The following FANCA variants were observed in gnomAD, a reference collection of about 807,000 sequenced individuals.
FANCA encodes FA complementation group A.
FANCA carries 236 observed loss-of-function variants against 194.3 expected under a neutral mutation model. The observed-to-expected ratio is 1.21, with a 90% CI of 1.09 to 1.35. FANCA has a LOEUF of 1.35. FANCA is among the 40% of genes most tolerant of loss of function. The probability of loss-of-function intolerance (pLI) is 0.00; values close to 1 mark genes in which losing one functional copy is unlikely to be tolerated. For synonymous variants in FANCA, 1,014 were observed against 715.8 expected (o/e 1.42, Z -6.65); for missense variants, 2,628 against 1,813.9 (o/e 1.45, Z -8.15).
chr16:89,746,942 A>G (rs1233387658), intron 33 of FANCA, 52 bp from the exon 34 acceptor site: 1 of 1,479,374 alleles, frequency 6.8e-7, no homozygotes, highest in East Asian at 2.5e-5. Flanking sequence ...GAGAGGCGAG[A>G]CCAACATGCA....
At chr16:89,751,770 C>T (rs1474068039) in intron 31 of FANCA, among the ~76,000 whole-genome samples, 1 of 144,904 alleles carries the variant, frequency 6.9e-6, no homozygotes, top group Admixed American at 6.9e-5. Context: ...CAATAAATAT[C>T]TTTTTTTTTT....
intron 36 of FANCA, among the ~76,000 whole-genome samples, chr16:89,743,447 G>A (rs2062180554): frequency 6.6e-6 from 1 of 152,210 alleles, no homozygotes; most frequent in Non-Finnish European, 1.5e-5. Context: ...GTTCACATCT[G>A]CAATCATAGC....
intron 22 of FANCA, 106 bp from the exon 23 acceptor site, chr16:89,771,920 G>A (rs534350343): frequency 3.8e-6 from 5 of 1,322,802 alleles, no homozygotes; most frequent in East Asian, 2.4e-5. Flanking sequence ...CACGGATCCT[G>A]CTGACTGCAC....
intron 5 of FANCA, 108 bp downstream of exon 5, chr16:89,810,599 G>C (rs548998633): frequency 1.2e-6 from 1 of 800,740 alleles, no homozygotes; most frequent in African/African-American, 1.7e-5. Flanking sequence ...TAATTAATGA[G>C]AAGCTTGGAG....
intron 20 of FANCA, among the ~76,000 whole-genome samples, chr16:89,776,987 G>A (rs1288160052): frequency 2.0e-5 from 3 of 152,278 alleles, no homozygotes; most frequent in African/African-American, 7.2e-5. Context: ...TGAAGCAGGA[G>A]GATTATTTGA....
At chr16:89,791,594 C>A (rs557255147) in intron 13 of FANCA, 58 bp from the exon 14 acceptor site, 2 of 1,607,400 alleles carry the variant, frequency 1.2e-6, no homozygotes, top group South Asian at 2.2e-5. Flanking sequence ...AGGAACATGA[C>A]GTGAGTTATG....
At position 89,784,976 on chromosome 16, in the gene FANCA, G is replaced by A. The variant is rs951725614; in HGVS notation, c.1360-12C>T. The A allele has an allele frequency of 6.3e-7, 1 of 1,597,526 alleles. No individual in the cohort carries two copies. Among genetic ancestry groups the A allele is most frequent in the Admixed American group, 1.7e-5 (1 of 59,832 alleles). ...CTCCCAAAGGAGGCCTGTGTGGAGA[G>A]AAGAGCGTGAAGCCCAGGACAGCCA... On this transcript the variant is annotated splice_polypyrimidine_tract_variant and intron_variant, in intron 14 of 42. Transcript: ENST00000389301.
intron 3 of FANCA, among the ~76,000 whole-genome samples, chr16:89,812,662 A>AC (rs2040938951): frequency 1.3e-5 from 2 of 150,800 alleles, no homozygotes; most frequent in East Asian, 1.9e-4. Flanking sequence ...AAAAAAAAAA[A>AC]AAAAAAAACT....
chr16:89,744,189 C>T (rs867351697), intron 36 of FANCA, among the ~76,000 whole-genome samples: 6 of 152,218 alleles, frequency 3.9e-5, no homozygotes, highest in African/African-American at 1.4e-4. Flanking sequence ...GCCACCGCGC[C>T]GGGGCCCTCT....
intron 31 of FANCA, 126 bp from the exon 32 acceptor site, chr16:89,750,028 G>A (rs2038528700): frequency 1.1e-6 from 1 of 938,152 alleles, no homozygotes; most frequent in Non-Finnish European, 1.7e-6. Context: ...AACAAGTGGG[G>A]CAAGCTATTT....
intron 15 of FANCA, among the ~76,000 whole-genome samples, chr16:89,783,668 G>A (rs1321920832): frequency 2.0e-5 from 3 of 152,182 alleles, no homozygotes; most frequent in Non-Finnish European, 2.9e-5. Context: ...GGGGAACCAG[G>A]GATGTGCAAT....
chr16:89,758,585 G>A lies in FANCA; in HGVS notation c.2973C>T (p.Phe991=). Residue 991 remains phenylalanine, a synonymous_variant, in exon 30 of 43, where the codon TTC becomes TTT. Coordinates refer to ENST00000389301, the MANE Select transcript of FANCA (RefSeq NM_000135.4). ...CAGTGTGTGCTGCTAACCTTTGGTG[G>A]AAATCCATCAGTGCGTTGACAAGAA... ...CTILVNALMD[F]HQSSRSYDHS... 2 of 1,613,680 alleles carry A rather than the reference G, an allele frequency of 1.2e-6. No homozygotes were observed. The highest frequency in any genetic ancestry group is 1.7e-6 in the Non-Finnish European group (2 of 1,179,690).
At chr16:89,787,486 C>G (rs540114935) in intron 14 of FANCA, among the ~76,000 whole-genome samples, 1 of 152,178 alleles carries the variant, frequency 6.6e-6, no homozygotes, top group South Asian at 2.1e-4. Flanking sequence ...CACCACTGCA[C>G]TCCAGCCTGG....
chr16:89,781,956 G>T (rs1285637505), intron 17 of FANCA, among the ~76,000 whole-genome samples: 1 of 150,480 alleles, frequency 6.6e-6, no homozygotes, highest in Non-Finnish European at 1.5e-5. Context: ...GCAGTGAGCC[G>T]AGACTGCGCC....
intron 14 of FANCA, among the ~76,000 whole-genome samples, chr16:89,790,537 T>G (rs2040035027): frequency 1.3e-5 from 2 of 152,078 alleles, no homozygotes; most frequent in Admixed American, 6.6e-5. Flanking sequence ...GAGACCAGCC[T>G]GACCAACATG....
intron 30 of FANCA, among the ~76,000 whole-genome samples, chr16:89,755,302 C>G (rs1464304806): frequency 6.6e-6 from 1 of 151,848 alleles, no homozygotes; most frequent in Non-Finnish European, 1.5e-5. Flanking sequence ...CCTCCGCCTC[C>G]CAGGTTCAAG....
chr16:89,737,696 A>G lies in FANCA; in HGVS notation c.*905T>C. On this transcript the variant is annotated 3_prime_UTR_variant, in exon 43 of 43. Coordinates refer to ENST00000389301, the MANE Select transcript of FANCA (RefSeq NM_000135.4). The stretch of plus-strand genomic sequence containing the variant: ...CTTGCTTGGGCCCACTGCATGGTGA[A>G]CCATGTGCAGAAATGTCTTCCCAGC... The G allele has an allele frequency of 1.9e-6, 3 of 1,574,254 alleles. No homozygotes were observed. The highest frequency in any genetic ancestry group is 2.6e-6 in the Non-Finnish European group (3 of 1,157,832).
chr16:89,791,020 TGTG>T (rs1358924741), intron 14 of FANCA: 36 of 245,848 alleles, frequency 1.5e-4, no homozygotes, highest in South Asian at 1.1e-3. Context: ...TGTGTGTGTG[TGTG>T]TTTTTTTTTT....
rs139059050 is a variant in FANCA, at chr16:89,775,939, C to T, written c.1827-124G>A. 4.3e-4 allele frequency: 206 copies of T among 483,228 alleles called. No homozygotes were observed. In the East Asian group the frequency reaches 7.7e-3, roughly 18 times the overall value. 29.9% of individuals were successfully genotyped at this position (483,228 alleles called of 1,614,324 possible). A position where few individuals can be genotyped will look rare whatever the true frequency, so the allele number is the denominator to read the frequency against. ...TTAAATAAATTATAAATACTGTGTA[C>T]AGTATGAGCCTGTTTTTACAAAAAA... On this transcript the variant is annotated intron_variant, in intron 20 of 42. Transcript: ENST00000389301.
Sources: gnomAD v4.1 joint callset for allele counts (sites outside exome capture counted in the v4.1 genomes callset) on GRCh38, gnomAD v4.1.1 for gene constraint, MANE v1.5 for transcripts, NCBI Gene and HGNC (gene_info 2026-07-23, HGNC 2026-07-21) for gene names.